The following CBFA2T2 variants were observed in gnomAD, a reference collection of about 807,000 sequenced individuals.
The protein encoded by CBFA2T2 is protein CBFA2T2.
Under a neutral mutation model 62.2 loss-of-function variants are expected in CBFA2T2, and 11 were observed. That is an observed-to-expected ratio of 0.18 (90% confidence interval 0.11 to 0.29). The LOEUF is 0.29. Ranked by LOEUF, CBFA2T2 falls within the 10% of genes least tolerant of loss-of-function variation. CBFA2T2 has a pLI of 1.00. For synonymous variants in CBFA2T2, 295 were observed against 287.5 expected, an observed-to-expected ratio of 1.03 and a Z score of -0.27; for missense variants, 592 against 774.1, an observed-to-expected ratio of 0.76 and a Z score of 2.79.
chr20:33,523,739 A>T (rs1179567916), intron 1 of CBFA2T2, among the ~76,000 whole-genome samples: 2 of 151,970 alleles, frequency 1.3e-5, no homozygotes, highest in Non-Finnish European at 2.9e-5. Flanking sequence ...CCCAGGCTGG[A>T]GTGCAGTGGC....
At chr20:33,612,910 C>T (rs2015579957) in intron 3 of CBFA2T2, among the ~76,000 whole-genome samples, 1 of 152,128 alleles carries the variant, frequency 6.6e-6, no homozygotes, top group Admixed American at 6.5e-5. Flanking sequence ...CATAGTGAGA[C>T]TGCCTCTACA....
chr20:33,539,720 T>C (rs986608832), intron 1 of CBFA2T2, among the ~76,000 whole-genome samples: 22 of 151,312 alleles, frequency 1.5e-4, no homozygotes, highest in African/African-American at 5.1e-4. Context: ...ACAGTCTTTG[T>C]CTGTCACTCA....
At chr20:33,595,403 G>A (rs1285903773) in intron 1 of CBFA2T2, among the ~76,000 whole-genome samples, 1 of 151,936 alleles carries the variant, frequency 6.6e-6, no homozygotes, top group Non-Finnish European at 1.5e-5. Flanking sequence ...GTAGAGACGG[G>A]GTTTCACCAC....
intron 5 of CBFA2T2, chr20:33,623,754 G>C: frequency 1.4e-6 from 1 of 706,446 alleles, no homozygotes; most frequent in Admixed American, 2.1e-5. Flanking sequence ...GGTTATTTTT[G>C]CTTTATTCCA....
At chr20:33,632,649 C>G (rs1269411990) in intron 8 of CBFA2T2, among the ~76,000 whole-genome samples, 1 of 148,764 alleles carries the variant, frequency 6.7e-6, no homozygotes, top group Non-Finnish European at 1.5e-5. Flanking sequence ...TTTTTTTTTT[C>G]AGTAGAGACG....
chr20:33,585,300 G>A (rs1003575203), intron 1 of CBFA2T2, among the ~76,000 whole-genome samples: 1 of 152,070 alleles, frequency 6.6e-6, no homozygotes, highest in Non-Finnish European at 1.5e-5. Flanking sequence ...CAAGGAAATT[G>A]GTATTTACCT....
chr20:33,563,752 A>G (rs961490189), intron 1 of CBFA2T2, among the ~76,000 whole-genome samples: 4 of 152,182 alleles, frequency 2.6e-5, no homozygotes, highest in South Asian at 4.1e-4. Flanking sequence ...GTTGGTTTCA[A>G]GAGTTCTAGA....
intron 1 of CBFA2T2, among the ~76,000 whole-genome samples, chr20:33,497,950 T>C (rs1028430496): frequency 6.6e-6 from 1 of 152,188 alleles, no homozygotes; most frequent in Non-Finnish European, 1.5e-5. Context: ...CCCAAAATGC[T>C]AGGATTGCAG....
Position 33,636,686 on chromosome 20 carries a change from T to C in CBFA2T2, c.1275T>C (p.Pro425=). The C allele has an allele frequency of 6.2e-7, 1 of 1,613,532 alleles. No homozygotes were observed. The highest frequency in any genetic ancestry group is 8.5e-7 in the Non-Finnish European group (1 of 1,179,574). ...FNSRPGTGYV[P]VEFWKKTEEA... ...GCAGGCCAGGTACAGGATACGTACC[T>C]GTGGAGTTTTGGAAAAAAACAGGTA... The change falls in exon 9 of 11, where the codon CCT becomes CCC. Residue 425 remains proline (P), a synonymous_variant. Coordinates refer to ENST00000342704, the MANE Select transcript of CBFA2T2 (RefSeq NM_001032999.3).
intron 10 of CBFA2T2, among the ~76,000 whole-genome samples, chr20:33,642,183 T>C (rs1259074960): frequency 2.0e-5 from 3 of 150,672 alleles, no homozygotes; most frequent in Non-Finnish European, 3.0e-5. Context: ...GGTCTCACTA[T>C]ATTGCCCAGG....
chr20:33,597,536 C>T (rs2122258525), intron 1 of CBFA2T2, among the ~76,000 whole-genome samples: 1 of 152,266 alleles, frequency 6.6e-6, no homozygotes, highest in African/African-American at 2.4e-5. Context: ...GCCAGATCAG[C>T]CATGGCATTA....
intron 1 of CBFA2T2, among the ~76,000 whole-genome samples, chr20:33,499,561 C>T (rs1052297883): frequency 1.3e-5 from 2 of 152,128 alleles, no homozygotes; most frequent in Non-Finnish European, 2.9e-5. Context: ...GTCTCTGGCC[C>T]CTTGAGGCTA....
intron 1 of CBFA2T2, among the ~76,000 whole-genome samples, chr20:33,567,843 C>T (rs1343910195): frequency 6.6e-6 from 1 of 152,198 alleles, no homozygotes; most frequent in African/African-American, 2.4e-5. Context: ...TTCGGCCTCC[C>T]AAAGTGCTGG....
intron 1 of CBFA2T2, among the ~76,000 whole-genome samples, chr20:33,559,938 G>A (rs1481609768): frequency 6.6e-6 from 1 of 152,136 alleles, no homozygotes; most frequent in African/African-American, 2.4e-5. Context: ...TACATTTTCT[G>A]CCCTATACCT....
At chr20:33,566,372 G>A (rs528213650) in intron 1 of CBFA2T2, among the ~76,000 whole-genome samples, 21 of 152,266 alleles carry the variant, frequency 1.4e-4, no homozygotes, top group African/African-American at 3.9e-4. Flanking sequence ...TTGGGAGACC[G>A]AAGTGAGCGG....
intron 5 of CBFA2T2, chr20:33,623,986 CAAA>C: frequency 1.9e-6 from 1 of 534,694 alleles, no homozygotes; most frequent in Non-Finnish European, 3.4e-6. Flanking sequence ...AAAGAAAAAA[CAAA>C]AAAAAAGAAA....
intron 1 of CBFA2T2, among the ~76,000 whole-genome samples, chr20:33,598,132 C>A (rs776723746): frequency 6.6e-6 from 1 of 152,142 alleles, no homozygotes; most frequent in Non-Finnish European, 1.5e-5. Context: ...GGCAAGATCA[C>A]AGGACCACAG....
chr20:33,523,177 A>G (rs2011781498), intron 1 of CBFA2T2, among the ~76,000 whole-genome samples: 1 of 152,008 alleles, frequency 6.6e-6, no homozygotes, highest in South Asian at 2.1e-4. Flanking sequence ...GCTCTGGCCC[A>G]GACCTACTGA....
At chr20:33,529,270 C>G (rs1158304764) in intron 1 of CBFA2T2, among the ~76,000 whole-genome samples, 2 of 151,972 alleles carry the variant, frequency 1.3e-5, no homozygotes, top group Non-Finnish European at 2.9e-5. Flanking sequence ...CGTGATCCGC[C>G]CACCTCGGCC....
Sources: gnomAD v4.1 joint callset for allele counts (sites outside exome capture counted in the v4.1 genomes callset) on GRCh38, gnomAD v4.1.1 for gene constraint, MANE v1.5 for transcripts, NCBI Gene and HGNC (gene_info 2026-07-23, HGNC 2026-07-21) for gene names.